GPHN: variants seen among roughly 807,000 people sequenced by gnomAD.
GPHN encodes gephyrin.
Under a neutral mutation model 95.5 loss-of-function variants are expected in GPHN, and 17 were observed. The ratio of observed to expected loss-of-function variants is 0.18; its 90% CI spans 0.12 to 0.27. GPHN has a LOEUF of 0.27. Among genes scored for constraint, GPHN ranks in the 10% least tolerant of loss-of-function variants. The pLI is 1.00. For synonymous variants in GPHN, 320 were observed against 322.5 expected (o/e 0.99, Z 0.08); for missense variants, 660 against 978.1 (o/e 0.67, Z 4.34).
chr14:66,862,502 G>C (rs1023352827), intron 4 of GPHN, among the ~76,000 whole-genome samples: 10 of 152,050 alleles, frequency 6.6e-5, no homozygotes, highest in Non-Finnish European at 1.5e-5. Context: ...GTGTTACCCT[G>C]ATACCAAAAT....
At chr14:67,605,596 A>G in the GPHN span, among the ~76,000 whole-genome samples, 1 of 152,222 alleles carries the variant, frequency 6.6e-6, no homozygotes, top group Non-Finnish European at 1.5e-5. Context: ...AACAAAATAC[A>G]TCCATAATCC....
the GPHN span, among the ~76,000 whole-genome samples, chr14:67,402,512 GTCTT>G: frequency 3.3e-5 from 5 of 152,136 alleles, no homozygotes; most frequent in Non-Finnish European, 7.3e-5. Flanking sequence ...TAAATAGTAA[GTCTT>G]TCTCATTCTT....
chr14:67,242,627 ATTTT>A, the GPHN span, among the ~76,000 whole-genome samples: 7 of 146,348 alleles, frequency 4.8e-5, no homozygotes, highest in South Asian at 2.2e-4. Context: ...AAGAACTACG[ATTTT>A]TTTTTTTTAC....
At chr14:66,562,242 T>C (rs1168415789) in intron 1 of GPHN, among the ~76,000 whole-genome samples, 3 of 152,198 alleles carry the variant, frequency 2.0e-5, no homozygotes, top group South Asian at 2.1e-4. Context: ...TTCAGTTAGA[T>C]GAATAAATTC....
intron 2 of GPHN, among the ~76,000 whole-genome samples, chr14:66,737,931 G>C (rs188529009): frequency 6.6e-6 from 1 of 152,320 alleles, no homozygotes; most frequent in Non-Finnish European, 1.5e-5. Flanking sequence ...ATTCTGTGCT[G>C]ACTCAAGTTA....
chr14:67,528,016 T>G, the GPHN span, among the ~76,000 whole-genome samples: 3 of 152,198 alleles, frequency 2.0e-5, no homozygotes, highest in Admixed American at 6.5e-5. Context: ...TGGCCCACTG[T>G]GGACACTCGG....
chr14:67,701,631 C>T, the GPHN span, among the ~76,000 whole-genome samples: 16 of 152,072 alleles, frequency 1.1e-4, no homozygotes, highest in South Asian at 1.2e-3. Context: ...ACCATTTTGG[C>T]TGTGCTGGTC....
the GPHN span, chr14:67,572,330 G>A: frequency 3.8e-5 from 57 of 1,509,490 alleles, no homozygotes; most frequent in African/African-American, 7.5e-4. Context: ...AGCAGAGGCT[G>A]CTGGGGCCCT....
At chr14:67,577,408 C>A in the GPHN span, 1 of 1,576,312 alleles carries the variant, frequency 6.3e-7, no homozygotes, top group Non-Finnish European at 8.6e-7. Context: ...CCCTCAAGCT[C>A]TTCAAGGTAA....
At chr14:67,187,587 A>G in the GPHN span, among the ~76,000 whole-genome samples, 1 of 152,168 alleles carries the variant, frequency 6.6e-6, no homozygotes, top group African/African-American at 2.4e-5. Context: ...AACACTCTTT[A>G]TTAGAGCTAC....
At chr14:67,288,950 A>C in the GPHN span, among the ~76,000 whole-genome samples, 1 of 130,688 alleles carries the variant, frequency 7.7e-6, no homozygotes, top group East Asian at 2.2e-4. Flanking sequence ...AAAAAGTTTT[A>C]TTTTCTTTAT....
chr14:67,042,652 TC>T (rs1391689159), intron 10 of GPHN, among the ~76,000 whole-genome samples: 1 of 152,198 alleles, frequency 6.6e-6, no homozygotes, highest in Admixed American at 6.5e-5. Context: ...TAGTTTGAAG[TC>T]AGGTAGCGTG....
At chr14:67,201,821 C>T in the GPHN span, 4 of 263,592 alleles carry the variant, frequency 1.5e-5, no homozygotes, top group South Asian at 7.7e-5. Flanking sequence ...AATTATCATA[C>T]AGCTGAGAAA....
intron 1 of GPHN, among the ~76,000 whole-genome samples, chr14:66,601,732 T>C (rs1218404871): frequency 7.7e-6 from 1 of 129,716 alleles, no homozygotes; most frequent in Non-Finnish European, 1.5e-5. Flanking sequence ...GTGGGTGTTT[T>C]GTGGGAGAAA....
chr14:67,466,939 G>A, the GPHN span, among the ~76,000 whole-genome samples: 1 of 146,424 alleles, frequency 6.8e-6, no homozygotes, highest in African/African-American at 2.5e-5. Flanking sequence ...AGGTTGCAGT[G>A]AGCCGAGATC....
the GPHN span, among the ~76,000 whole-genome samples, chr14:67,555,528 T>G: frequency 6.6e-6 from 1 of 152,060 alleles, no homozygotes; most frequent in African/African-American, 2.4e-5. Flanking sequence ...TCAGGAAGAA[T>G]GACAGTGGAG....
the GPHN span, among the ~76,000 whole-genome samples, chr14:67,355,903 G>A: frequency 1.3e-5 from 2 of 152,088 alleles, no homozygotes; most frequent in Non-Finnish European, 2.9e-5. Context: ...AGAAGGCTAA[G>A]GTGAGAGGAC....
At chr14:67,222,993 A>AT in the GPHN span, among the ~76,000 whole-genome samples, 1 of 140,954 alleles carries the variant, frequency 7.1e-6, no homozygotes, top group African/African-American at 2.7e-5. Context: ...GGGCCTTCCC[A>AT]TTGGGCTTTT....
At chr14:67,131,020 A>G (rs1164975990) in intron 17 of GPHN, among the ~76,000 whole-genome samples, 1 of 152,166 alleles carries the variant, frequency 6.6e-6, no homozygotes, top group Non-Finnish European at 1.5e-5. Flanking sequence ...GGCTGGTTCA[A>G]TAACCTATTA....
Sources: allele counts gnomAD v4.1 joint callset (sites outside exome capture counted in the v4.1 genomes callset), GRCh38; gene constraint gnomAD v4.1.1; transcripts MANE v1.5; gene names NCBI Gene and HGNC (gene_info 2026-07-23, HGNC 2026-07-21).